ADAMTS18: variants seen among roughly 807,000 people sequenced by gnomAD.
The protein encoded by ADAMTS18 is A disintegrin and metalloproteinase with thrombospondin motifs 18.
In ADAMTS18, 157 loss-of-function variants were observed where a neutral mutation model predicts 165.9. That is an observed-to-expected ratio of 0.95 (90% CI 0.83 to 1.08). ADAMTS18 has a LOEUF of 1.08. Ranked by LOEUF, ADAMTS18 falls within the 50% of genes least tolerant of loss-of-function variation. ADAMTS18 has a pLI of 0.00. For missense variants in ADAMTS18, 2,040 were observed against 1,534.0 expected, an observed-to-expected ratio of 1.33 and a Z score of -5.51; for synonymous variants, 782 against 578.2, an observed-to-expected ratio of 1.35 and a Z score of -5.06.
intron 3 of ADAMTS18, among the ~76,000 whole-genome samples, chr16:77,400,269 T>C (rs1301407080): frequency 6.6e-6 from 1 of 152,100 alleles, no homozygotes; most frequent in African/African-American, 2.4e-5. Context: ...AGAGCCAGCA[T>C]TACATATCTT....
intron 12 of ADAMTS18, among the ~76,000 whole-genome samples, chr16:77,334,174 TATATAATATATAGTGTTATATATTAC>T (rs1567490996): frequency 0.023 from 1,971 of 87,536 alleles, 256 homozygotes; most frequent in African/African-American, 0.045. Flanking sequence ...TTATATATTA[TATATAATATATAGTGTTATATATTAC>T]ATATAATATA....
At chr16:77,298,963 C>T (rs576205044) in intron 17 of ADAMTS18, among the ~76,000 whole-genome samples, 148 of 152,354 alleles carry the variant, frequency 9.7e-4, no homozygotes, top group South Asian at 7.0e-3. Flanking sequence ...CAACTGGCTT[C>T]CTCTGCATCC....
intron 11 of ADAMTS18, among the ~76,000 whole-genome samples, chr16:77,341,209 A>C (rs996861033): frequency 2.0e-5 from 3 of 152,202 alleles, no homozygotes; most frequent in South Asian, 2.1e-4. Flanking sequence ...GACCTTAGGT[A>C]CACACTAGGT....
intron 20 of ADAMTS18, among the ~76,000 whole-genome samples, chr16:77,292,179 A>G (rs2055376691): frequency 6.6e-6 from 1 of 152,110 alleles, no homozygotes; most frequent in Non-Finnish European, 1.5e-5. Flanking sequence ...AGCCAGGTAT[A>G]GTGGTGCATG....
intron 3 of ADAMTS18, among the ~76,000 whole-genome samples, chr16:77,373,711 T>C (rs888265474): frequency 6.6e-5 from 10 of 152,034 alleles, no homozygotes; most frequent in African/African-American, 1.2e-4. Flanking sequence ...CAAAAACCTA[T>C]GGAAATAAAA....
At chr16:77,393,031 C>G (rs554965032) in intron 3 of ADAMTS18, among the ~76,000 whole-genome samples, 1 of 152,126 alleles carries the variant, frequency 6.6e-6, no homozygotes, top group Non-Finnish European at 1.5e-5. Flanking sequence ...TGGGTACCAT[C>G]AAAGGGTTAA....
intron 13 of ADAMTS18, among the ~76,000 whole-genome samples, chr16:77,323,409 G>C (rs1391385346): frequency 6.6e-6 from 1 of 152,170 alleles, no homozygotes; most frequent in African/African-American, 2.4e-5. Flanking sequence ...GCGTGGGTGG[G>C]TTAAAAGGTT....
chr16:77,396,384 C>T (rs1335697494), intron 3 of ADAMTS18, among the ~76,000 whole-genome samples: 2 of 152,166 alleles, frequency 1.3e-5, no homozygotes, highest in Non-Finnish European at 2.9e-5. Context: ...AGATCACAGC[C>T]TTTCTACAAA....
At position 77,409,840 on chromosome 16, in the gene ADAMTS18, G is replaced by A. The variant is rs188805174; in HGVS notation, c.495+21455C>T. Among the ~76,000 whole-genome samples the A allele has an allele frequency of 6.2e-4, 95 of 152,158 alleles. No individual in the cohort carries two copies. The South Asian group carries it at 7.1e-3, about 11-fold the overall frequency. On this transcript the variant is annotated intron_variant, in intron 3 of 22. Coordinates refer to ENST00000282849, the MANE Select transcript of ADAMTS18 (RefSeq NM_199355.4). ...AGTAAAGAAAAAAAAAGGCACCAATGTATAGAGACGTTTATAATCTTTAAG... is the reference window on the plus strand; with the variant it reads ...AGTAAAGAAAAAAAAAGGCACCAATATATAGAGACGTTTATAATCTTTAAG...
chr16:77,375,587 A>T (rs945388782), intron 3 of ADAMTS18, among the ~76,000 whole-genome samples: 1 of 152,166 alleles, frequency 6.6e-6, no homozygotes, highest in Admixed American at 6.5e-5. Flanking sequence ...TCTCAGAGCT[A>T]AGGAGCGGAA....
chr16:77,331,854 C>G (rs1395499190), intron 12 of ADAMTS18, among the ~76,000 whole-genome samples: 2 of 152,172 alleles, frequency 1.3e-5, no homozygotes, highest in African/African-American at 4.8e-5. Flanking sequence ...ACGTGATGGG[C>G]AAAGTGTCTC....
chr16:77,336,766 C>CTTTTGTTTTTGTTTTATT (rs1468166399), intron 11 of ADAMTS18, among the ~76,000 whole-genome samples: 2 of 152,140 alleles, frequency 1.3e-5, no homozygotes, highest in African/African-American at 4.8e-5. Flanking sequence ...GGTAGTGTTT[C>CTTTTGTTTTTGTTTTATT]TTTTGTTTTT....
intron 6 of ADAMTS18, 150 bp from the exon 7 acceptor site, chr16:77,362,414 T>G: frequency 1.3e-6 from 1 of 763,588 alleles, no homozygotes; most frequent in Non-Finnish European, 2.1e-6. Context: ...GGAAAATCTC[T>G]ATTTTAGGTA....
At chr16:77,379,173 C>T (rs1461930309) in intron 3 of ADAMTS18, among the ~76,000 whole-genome samples, 4 of 152,166 alleles carry the variant, frequency 2.6e-5, no homozygotes, top group Non-Finnish European at 2.9e-5. Flanking sequence ...TATGAGGCTG[C>T]TTCTCTCATG....
At chr16:77,339,962 C>A (rs897833356) in intron 11 of ADAMTS18, among the ~76,000 whole-genome samples, 2 of 152,152 alleles carry the variant, frequency 1.3e-5, no homozygotes, top group Non-Finnish European at 2.9e-5. Flanking sequence ...TCCTTTTTAT[C>A]ATCTAACTGA....
chr16:77,426,267 A>C (rs932771520), intron 3 of ADAMTS18, among the ~76,000 whole-genome samples: 3 of 152,102 alleles, frequency 2.0e-5, no homozygotes, highest in African/African-American at 7.2e-5. Context: ...ATTAATACAT[A>C]ATATTATAGT....
rs903980844 is a variant in ADAMTS18 at position 77,404,315 on chromosome 16, T to C, written c.495+26980A>G. 3.3e-5 allele frequency among the ~76,000 whole-genome samples: 5 copies of C among 152,106 alleles called. No homozygotes were observed. In the East Asian group the frequency reaches 5.8e-4, roughly 18 times the overall value. On this transcript the variant is annotated intron_variant, in intron 3 of 22. Coordinates refer to ENST00000282849, the MANE Select transcript of ADAMTS18 (RefSeq NM_199355.4). ...GGAACTTTTCAGGGCAACAAGCAAA[T>C]AGATTTGGAGGATACCTTTTCAGGG...
intron 17 of ADAMTS18, among the ~76,000 whole-genome samples, chr16:77,298,853 G>C (rs747687664): frequency 6.6e-6 from 1 of 152,190 alleles, no homozygotes; most frequent in Non-Finnish European, 1.5e-5. Flanking sequence ...ACTTTAATAG[G>C]ACTTATTCAT....
In ADAMTS18 at chr16:77,283,252, T is replaced by G. The variant is rs971789835; in HGVS notation, c.*704A>C. ...TATGAGTTGTTTCCTTGCATGAATT[T>G]CAATTACATGGAGATCTTAAACAGT... On this transcript the variant is annotated 3_prime_UTR_variant, in exon 23 of 23. Transcript: ENST00000282849. 7.9e-5 allele frequency: 12 copies of G among 152,668 alleles called. No individual in the cohort carries two copies. Among genetic ancestry groups the G allele is most frequent in the African/African-American group, 2.9e-4 (12 of 41,456 alleles). The allele number at this position is 152,668 out of a possible 1,614,324, so 9.5% of individuals were successfully genotyped here. A position where few individuals can be genotyped will look rare whatever the true frequency, so the allele number is the denominator to read the frequency against.
Sources: allele counts gnomAD v4.1 joint callset (sites outside exome capture counted in the v4.1 genomes callset), GRCh38; gene constraint gnomAD v4.1.1; transcripts MANE v1.5; gene names NCBI Gene and HGNC (gene_info 2026-07-23, HGNC 2026-07-21).